The following APBA2 variants were observed in gnomAD, a reference collection of about 807,000 sequenced individuals.
APBA2 encodes the protein amyloid-beta A4 precursor protein-binding family A member 2.
A neutral mutation model predicts 75.0 loss-of-function variants in APBA2; 30 were observed. The observed-to-expected ratio is 0.40, with a 90% CI of 0.30 to 0.54. The LOEUF (loss-of-function observed/expected upper bound fraction) is 0.54. Ranked by LOEUF, APBA2 falls within the 20% of genes least tolerant of loss-of-function variation. The pLI is 0.49. For synonymous variants in APBA2, 444 were observed against 409.6 expected, an observed-to-expected ratio of 1.08 and a Z score of -1.01; for missense variants, 801 against 1,016.1, an observed-to-expected ratio of 0.79 and a Z score of 2.88.
chr15:28,991,498 G>A lies in APBA2; in HGVS notation c.-94-4255G>A, dbSNP rs534309048. 7.9e-5 allele frequency among the ~76,000 whole-genome samples: 12 copies of A among 152,344 alleles called. No homozygotes were observed. Among genetic ancestry groups the A allele is most frequent in the Admixed American group, 2.6e-4 (4 of 15,308 alleles). On this transcript the variant is annotated intron_variant, in intron 2 of 14. Transcript: ENST00000683413. This position sits in a 1 kb window ranked among gnomAD's most constrained non-coding sequence, Gnocchi z 4.7. ...AGCTGCCCGGCCCCACTGTGAGGCC[G>A]CCCCTTGCAGGTGAGTTCACTGGCA...
intron 3 of APBA2, among the ~76,000 whole-genome samples, chr15:29,051,692 A>G (rs766736758): frequency 1.6e-4 from 24 of 152,176 alleles, no homozygotes; most frequent in Non-Finnish European, 5.9e-5. Context: ...ACCACTACAA[A>G]CAAGGTGCTG....
chr15:29,059,630 A>G (rs552438694), intron 4 of APBA2, among the ~76,000 whole-genome samples: 5 of 152,354 alleles, frequency 3.3e-5, no homozygotes, highest in Non-Finnish European at 7.3e-5. Flanking sequence ...CAAGGTGCGT[A>G]TAAACAGAAA....
chr15:29,056,894 C>A (rs780826671), intron 4 of APBA2, among the ~76,000 whole-genome samples: 108 of 151,964 alleles, frequency 7.1e-4, no homozygotes, highest in Non-Finnish European at 1.4e-3. Flanking sequence ...CCGTAGAATT[C>A]ATCTTGAAAG....
intron 2 of APBA2, among the ~76,000 whole-genome samples, chr15:28,962,109 C>A (rs974099873): frequency 9.2e-5 from 14 of 152,020 alleles, no homozygotes; most frequent in African/African-American, 3.4e-4. Flanking sequence ...GGGGCGTGAA[C>A]GTGTGTCATA....
intron 4 of APBA2, among the ~76,000 whole-genome samples, chr15:29,060,988 C>T (rs1255561936): frequency 6.6e-6 from 1 of 152,116 alleles, no homozygotes; most frequent in African/African-American, 2.4e-5. Context: ...AGCCTGTGGA[C>T]CTGGCACGTC....
Position 29,038,665 on chromosome 15 carries a change from ATTTTTTTTTTT to A in APBA2, c.-40-15166_-40-15156del, listed in dbSNP as rs67217686. On this transcript the variant is annotated intron_variant, in intron 3 of 14. Transcript: ENST00000683413. ...ATTTGGCTCTGTCCTATATGCAGGC[ATTTTTTTTTTT>A]TTTTTTTTTTTTTCTGAGACGAAGT... 7.6e-5 allele frequency among the ~76,000 whole-genome samples: 8 copies of A among 105,462 alleles called. No homozygotes were observed. The South Asian group carries it at 2.1e-3, about 28-fold the overall frequency. The allele number at this position is 105,462 out of a possible 152,430, so 69.2% of individuals were successfully genotyped here.
At chr15:29,108,553 G>A (rs2044561216) in intron 13 of APBA2, 164 bp downstream of exon 13, 4 of 1,111,726 alleles carry the variant, frequency 3.6e-6, no homozygotes, top group Non-Finnish European at 5.2e-6. Context: ...ACTTTCCATG[G>A]CTCTCTGGGA....
At chr15:29,082,201 A>C (rs545148866) in intron 6 of APBA2, among the ~76,000 whole-genome samples, 2 of 152,326 alleles carry the variant, frequency 1.3e-5, no homozygotes, top group East Asian at 3.9e-4. Flanking sequence ...TCCTGTGCTC[A>C]TTCCTCTGTT....
intron 6 of APBA2, 86 bp from the exon 7 acceptor site, chr15:29,092,989 G>T: frequency 4.5e-6 from 7 of 1,563,954 alleles, no homozygotes; most frequent in Non-Finnish European, 4.4e-6. Flanking sequence ...TGGCTGCCGT[G>T]TTCCTTGTGC....
At chr15:28,889,884 A>G (rs1377526007) in intron 1 of APBA2, among the ~76,000 whole-genome samples, 1 of 151,986 alleles carries the variant, frequency 6.6e-6, no homozygotes, top group Non-Finnish European at 1.5e-5. Flanking sequence ...TCTCCTTAGT[A>G]CTCACCATTC....
intron 3 of APBA2, among the ~76,000 whole-genome samples, chr15:29,029,084 TGC>T (rs1321784618): frequency 6.6e-6 from 1 of 152,232 alleles, no homozygotes; most frequent in Non-Finnish European, 1.5e-5. Context: ...TCTTTGCTGG[TGC>T]CTATGTCCTG....
chr15:28,945,521 ATT>A (rs79363150), intron 2 of APBA2, among the ~76,000 whole-genome samples: 59 of 140,210 alleles, frequency 4.2e-4, no homozygotes, highest in Middle Eastern at 3.8e-3. Flanking sequence ...CCGCTCATTG[ATT>A]TTTTTTTTTT....
At chr15:29,089,326 G>T (rs1224661137) in intron 6 of APBA2, among the ~76,000 whole-genome samples, 1 of 152,212 alleles carries the variant, frequency 6.6e-6, no homozygotes, top group Non-Finnish European at 1.5e-5. Flanking sequence ...GCGTGGTTGA[G>T]GACTGGGTGG....
Position 29,046,329 on chromosome 15 carries a change from A to T in APBA2, c.-40-7516A>T, listed in dbSNP as rs187038513. 3.6e-4 allele frequency among the ~76,000 whole-genome samples: 55 copies of T among 152,012 alleles called. No homozygotes were observed. The Middle Eastern group carries it at 0.014, about 38-fold the overall frequency. On this transcript the variant is annotated intron_variant, in intron 3 of 14. Transcript: ENST00000683413. The surrounding 1 kb of genome is among the most constrained non-coding windows in gnomAD (Gnocchi z 5.0). Reference sequence around the variant, plus strand: ...TTCCTTCTCACCTCCCCTTGGCCACACCCCACTTTTGTGTCTTGGGAATTA... The same window carrying T: ...TTCCTTCTCACCTCCCCTTGGCCACTCCCCACTTTTGTGTCTTGGGAATTA...
intron 2 of APBA2, among the ~76,000 whole-genome samples, chr15:28,928,030 G>A (rs989894780): frequency 2.0e-5 from 3 of 151,288 alleles, no homozygotes; most frequent in Non-Finnish European, 2.9e-5. Flanking sequence ...TGTAGTCCCA[G>A]CTACTCGAGA....
intron 3 of APBA2, among the ~76,000 whole-genome samples, chr15:29,052,220 CCGAGGTGGGCGGATCA>C (rs1015580320): frequency 2.6e-5 from 4 of 151,968 alleles, no homozygotes; most frequent in African/African-American, 9.7e-5. Context: ...CTTTTAGAGG[CCGAGGTGGGCGGATCA>C]CGAGGTCAGG....
Position 29,099,591 on chromosome 15 carries a change from G to A in APBA2, c.1338+1015G>A, listed in dbSNP as rs141853287. Among the ~76,000 whole-genome samples, 175 of 152,344 alleles carry A rather than the reference G, an allele frequency of 1.1e-3. 1 individual carries two copies. The highest frequency in any genetic ancestry group is 2.0e-3 in the Non-Finnish European group (139 of 68,036). Reference sequence around the variant, plus strand: ...CCTAGACCACGTTGTTTGCACAAACGGTTTAGGCAAAAGGAACCATGGTTG... The same window carrying A: ...CCTAGACCACGTTGTTTGCACAAACAGTTTAGGCAAAAGGAACCATGGTTG... On this transcript the variant is annotated intron_variant, in intron 9 of 14. Coordinates refer to ENST00000683413, the MANE Select transcript of APBA2 (RefSeq NM_001353788.2).
At position 28,918,507 on chromosome 15, in the gene APBA2, C is replaced by T. The variant is rs1464552795; in HGVS notation, c.-204-3133C>T. Among the ~76,000 whole-genome samples, 1 of 152,162 alleles carries T rather than the reference C, an allele frequency of 6.6e-6. No individual in the cohort carries two copies. The highest frequency in any genetic ancestry group is 6.5e-5 in the Admixed American group (1 of 15,282). On this transcript the variant is annotated intron_variant, in intron 1 of 14. Coordinates refer to ENST00000683413, the MANE Select transcript of APBA2 (RefSeq NM_001353788.2). The surrounding 1 kb of genome is among the most constrained non-coding windows in gnomAD (Gnocchi z 4.2). Reference sequence around the variant, plus strand: ...GCTTCCCCCACTGCAAGGAGGAATCCCGGTGCTCTTCTCCACCAGCCTTCC... The same window carrying T: ...GCTTCCCCCACTGCAAGGAGGAATCTCGGTGCTCTTCTCCACCAGCCTTCC...
At chr15:28,993,590 A>T (rs151031551) in intron 2 of APBA2, among the ~76,000 whole-genome samples, 28 of 152,214 alleles carry the variant, frequency 1.8e-4, no homozygotes, top group Middle Eastern at 3.4e-3. Context: ...GAGTGAAGAC[A>T]TGGGCCTGCT....
Sources: allele counts gnomAD v4.1 joint callset (sites outside exome capture counted in the v4.1 genomes callset), GRCh38; gene constraint gnomAD v4.1.1; non-coding constraint Gnocchi (gnomAD v3.1); transcripts MANE v1.5; gene names NCBI Gene and HGNC (gene_info 2026-07-23, HGNC 2026-07-21).